NDST3: variants seen among roughly 807,000 people sequenced by gnomAD.
NDST3 encodes the protein bifunctional heparan sulfate N-deacetylase/N-sulfotransferase 3.
NDST3 carries 58 observed loss-of-function variants against 96.1 expected under a neutral mutation model. The ratio of observed to expected loss-of-function variants is 0.60; its 90% confidence interval spans 0.49 to 0.75. The LOEUF is 0.75. NDST3 is among the 30% of genes least tolerant of loss of function. The probability of loss-of-function intolerance (pLI) is 0.00; values close to 1 mark genes in which losing one functional copy is unlikely to be tolerated. For synonymous variants in NDST3, 333 were observed against 359.7 expected, an observed-to-expected ratio of 0.93 and a Z score of 0.84; for missense variants, 788 against 1,034.2, an observed-to-expected ratio of 0.76 and a Z score of 3.27.
intron 6 of NDST3, among the ~76,000 whole-genome samples, chr4:118,187,545 T>C (rs1200970413): frequency 6.6e-6 from 1 of 152,188 alleles, no homozygotes; most frequent in African/African-American, 2.4e-5. Flanking sequence ...TCATCTTTCA[T>C]CTCTCAAGGC....
At chr4:118,234,322 A>T (rs1314711963) in intron 9 of NDST3, among the ~76,000 whole-genome samples, 1 of 152,012 alleles carries the variant, frequency 6.6e-6, no homozygotes, top group African/African-American at 2.4e-5. Flanking sequence ...CTGAGATGGG[A>T]GGATAACCTG....
intron 6 of NDST3, among the ~76,000 whole-genome samples, chr4:118,190,020 T>C (rs142450202): frequency 1.3e-5 from 2 of 152,034 alleles, no homozygotes; most frequent in Admixed American, 6.5e-5. Context: ...AACTTCAAAC[T>C]AGATAAAAAA....
chr4:118,161,934 T>A (rs1351688654), intron 6 of NDST3, among the ~76,000 whole-genome samples: 2 of 152,120 alleles, frequency 1.3e-5, no homozygotes, highest in African/African-American at 2.4e-5. Context: ...GTACCTCAGA[T>A]GAAATGCAGA....
intron 2 of NDST3, among the ~76,000 whole-genome samples, chr4:118,072,789 C>A (rs1211681747): frequency 6.6e-6 from 1 of 152,022 alleles, no homozygotes; most frequent in Non-Finnish European, 1.5e-5. Flanking sequence ...TGACAGTGGG[C>A]ATCCTTGTTT....
chr4:118,242,242 G>A, intron 12 of NDST3, 93 bp downstream of exon 12: 12 of 771,368 alleles, frequency 1.6e-5, no homozygotes, highest in Non-Finnish European at 4.3e-6. Flanking sequence ...CAGGTTACTT[G>A]TTCCTTATAT....
At chr4:118,210,568 G>C (rs970392877) in intron 6 of NDST3, among the ~76,000 whole-genome samples, 2 of 152,080 alleles carry the variant, frequency 1.3e-5, no homozygotes, top group African/African-American at 4.8e-5. Flanking sequence ...ACGAGGTCAA[G>C]AGATTGAGAC....
intron 6 of NDST3, among the ~76,000 whole-genome samples, chr4:118,178,765 TTCC>T (rs1736420590): frequency 6.6e-6 from 1 of 152,050 alleles, no homozygotes; most frequent in Admixed American, 6.6e-5. Context: ...TTATACTGTT[TTCC>T]ATAGCAGCTA....
intron 4 of NDST3, among the ~76,000 whole-genome samples, chr4:118,131,622 G>A (rs1732622248): frequency 1.3e-5 from 2 of 152,074 alleles, no homozygotes; most frequent in South Asian, 4.2e-4. Flanking sequence ...TTCATTTGGT[G>A]AGGTCATTTT....
intron 6 of NDST3, among the ~76,000 whole-genome samples, chr4:118,221,643 G>A (rs1343056270): frequency 1.3e-5 from 2 of 152,004 alleles, no homozygotes; most frequent in South Asian, 2.1e-4. Context: ...TTGACAAACA[G>A]TATCTGTTTC....
chr4:118,224,794 T>C, intron 7 of NDST3, 121 bp downstream of exon 7: 1 of 793,186 alleles, frequency 1.3e-6, no homozygotes, highest in Non-Finnish European at 1.9e-6. Context: ...TGTTAGTAAA[T>C]TTGAGAAACT....
chr4:118,065,756 T>G (rs1231121125), intron 2 of NDST3, among the ~76,000 whole-genome samples: 1 of 151,882 alleles, frequency 6.6e-6, no homozygotes, highest in East Asian at 1.9e-4. Flanking sequence ...CTATTCTAAC[T>G]ACCCCAACCT....
chr4:118,055,540 G>A (rs1221788080), intron 2 of NDST3: 4 of 151,984 alleles, frequency 2.6e-5, no homozygotes, highest in Admixed American at 2.6e-4. Context: ...GTGTAAAACT[G>A]CTGCCCTTAA....
intron 6 of NDST3, among the ~76,000 whole-genome samples, chr4:118,212,079 G>A (rs973190534): frequency 6.6e-5 from 10 of 152,188 alleles, no homozygotes; most frequent in East Asian, 5.8e-4. Context: ...GAATAGCAGC[G>A]GGCATCTTTT....
intron 6 of NDST3, among the ~76,000 whole-genome samples, chr4:118,203,924 T>C (rs1189652602): frequency 6.6e-6 from 1 of 152,078 alleles, no homozygotes; most frequent in African/African-American, 2.4e-5. Flanking sequence ...CCTATAAATT[T>C]CCAAAACCAA....
At chr4:118,248,725 G>C (rs1741474163) in intron 12 of NDST3, among the ~76,000 whole-genome samples, 1 of 152,188 alleles carries the variant, frequency 6.6e-6, no homozygotes, top group Admixed American at 6.5e-5. Context: ...TTTCCTTGCT[G>C]TTCCACCAGA....
At chr4:118,093,925 G>A (rs557334013) in intron 2 of NDST3, among the ~76,000 whole-genome samples, 2 of 151,892 alleles carry the variant, frequency 1.3e-5, no homozygotes, top group South Asian at 4.2e-4. Context: ...TTCCAAAATG[G>A]AACCTTGTTG....
chr4:118,083,413 A>G (rs1728173816), intron 2 of NDST3, among the ~76,000 whole-genome samples: 1 of 152,180 alleles, frequency 6.6e-6, no homozygotes, highest in African/African-American at 2.4e-5. Context: ...ATTAAATGAG[A>G]TAGTCCATGT....
At chr4:118,061,990 G>T (rs1186167705) in intron 2 of NDST3, among the ~76,000 whole-genome samples, 2 of 152,112 alleles carry the variant, frequency 1.3e-5, no homozygotes, top group East Asian at 3.9e-4. Flanking sequence ...TTGGTTACAG[G>T]TTAGTGTTTG....
chr4:118,065,818 T>A (rs1726269916), intron 2 of NDST3, among the ~76,000 whole-genome samples: 1 of 151,476 alleles, frequency 6.6e-6, no homozygotes, highest in African/African-American at 2.4e-5. Context: ...TTATCTCCCC[T>A]GCTTTGATAT....
Sources: allele counts gnomAD v4.1 joint callset (sites outside exome capture counted in the v4.1 genomes callset), GRCh38; gene constraint gnomAD v4.1.1; transcripts MANE v1.5; gene names NCBI Gene and HGNC (gene_info 2026-07-23, HGNC 2026-07-21).